The following RHOF variants were observed in gnomAD, a reference collection of about 807,000 sequenced individuals.
RHOF encodes the protein ras homolog family member F, filopodia associated.
Under a neutral mutation model 22.2 loss-of-function variants are expected in RHOF, and 21 were observed. That is an observed-to-expected ratio of 0.95 (90% CI 0.67 to 1.36). The LOEUF (loss-of-function observed/expected upper bound fraction) is 1.36. Ranked by LOEUF, RHOF falls within the 40% of genes most tolerant of loss-of-function variation. RHOF has a pLI of 0.00. For synonymous variants in RHOF, 135 were observed against 131.2 expected (o/e 1.03, Z -0.20); for missense variants, 285 against 293.7 (o/e 0.97, Z 0.22).
At chr12:121,780,847 C>T (rs778748619) in intron 4 of RHOF, 25 bp downstream of exon 4, 2 of 1,605,934 alleles carry the variant, frequency 1.2e-6, no homozygotes, top group African/African-American at 1.3e-5. Flanking sequence ...CACGGCTGTG[C>T]CCCAGGGTCT....
rs1592954177 is a variant in RHOF, at chr12:121,779,321, A to T, written c.*177T>A. 1 of 663,286 alleles carries T rather than the reference A, an allele frequency of 1.5e-6. No individual in the cohort carries two copies. The highest frequency in any genetic ancestry group is 2.5e-6 in the Non-Finnish European group (1 of 396,910). The allele number at this position is 663,286 out of a possible 1,614,324, so 41.1% of individuals were successfully genotyped here. The stretch of plus-strand genomic sequence containing the variant: ...ATGTCCCAGGGGCAGCCTGGAGGGG[A>T]GTTTGTGGTCAGAGCCCCAGCCAGG... On this transcript the variant is annotated 3_prime_UTR_variant, in exon 5 of 5. Coordinates refer to ENST00000267205, the MANE Select transcript of RHOF (RefSeq NM_019034.3).
chr12:121,789,929 G>C (rs76229575), intron 2 of RHOF, among the ~76,000 whole-genome samples: 1 of 152,082 alleles, frequency 6.6e-6, no homozygotes, highest in Non-Finnish European at 1.5e-5. Context: ...TCACTCTCCC[G>C]TCTGTGTCTT....
intron 2 of RHOF, among the ~76,000 whole-genome samples, chr12:121,792,179 G>C (rs2137508296): frequency 6.6e-6 from 1 of 152,320 alleles, no homozygotes; most frequent in East Asian, 1.9e-4. Context: ...CTGGATTTTG[G>C]CTCCATCCTA....
intron 2 of RHOF, chr12:121,782,752 T>C (rs1314280299): frequency 1.3e-5 from 2 of 152,136 alleles, no homozygotes; most frequent in Non-Finnish European, 2.9e-5. Context: ...AAGGGTGAGG[T>C]CACTAGAGAC....
intron 2 of RHOF, chr12:121,781,422 GA>G (rs1163143466): frequency 1.0e-5 from 5 of 502,128 alleles, no homozygotes; most frequent in Non-Finnish European, 1.8e-5. Context: ...AGTGAGCCGT[GA>G]TCATGCCACT....
rs1401672119 is a variant in RHOF at position 121,780,883 on chromosome 12, T to A, written c.460A>T (p.Thr154Ser). ...TGGCCCCGGCCCACCTGCATGTAGG[T>A]GATGGGCTCCAGCTGGGCGGCCCGG... ...KLRAAQLEPITYMQGLSACEQ... is the reference protein window; with the variant it reads ...KLRAAQLEPISYMQGLSACEQ... The change falls in exon 4 of 5, where the codon ACC (threonine) becomes TCC (serine). Residue 154 changes from threonine (T) to serine (S), a missense_variant. Thr to Ser is a moderately conservative substitution (Grantham distance 58). Transcript: ENST00000267205. 5.0e-6 allele frequency: 8 copies of A among 1,613,230 alleles called. No individual in the cohort carries two copies. The highest frequency in any genetic ancestry group is 6.8e-6 in the Non-Finnish European group (8 of 1,179,834).
chr12:121,781,770 T>G (rs1874466758), intron 2 of RHOF: 1 of 154,472 alleles, frequency 6.5e-6, no homozygotes, highest in African/African-American at 2.4e-5. Flanking sequence ...CAGGTTCTGA[T>G]GCAGTCAGCT....
intron 2 of RHOF, among the ~76,000 whole-genome samples, chr12:121,786,019 ATTC>A (rs1874599973): frequency 6.6e-6 from 1 of 151,424 alleles, no homozygotes; most frequent in Non-Finnish European, 1.5e-5. Flanking sequence ...GGTTCACGCC[ATTC>A]TTCTGCTTCA....
At chr12:121,779,766 G>A in intron 4 of RHOF, 104 bp from the exon 5 acceptor site, 1 of 1,261,306 alleles carries the variant, frequency 7.9e-7, no homozygotes, top group Non-Finnish European at 1.1e-6. Context: ...AGGGATGGAG[G>A]CCTTGGTTTG....
chr12:121,783,967 C>T (rs1874543083), intron 2 of RHOF, among the ~76,000 whole-genome samples: 1 of 152,110 alleles, frequency 6.6e-6, no homozygotes, highest in Non-Finnish European at 1.5e-5. Context: ...TCGCCTGCCA[C>T]ACCCGCTTGC....
chr12:121,790,904 C>A (rs5019662), intron 2 of RHOF, among the ~76,000 whole-genome samples: 1 of 152,122 alleles, frequency 6.6e-6, no homozygotes, highest in Non-Finnish European at 1.5e-5. Flanking sequence ...AACAGGGTCT[C>A]GCTCTGTTGC....
intron 2 of RHOF, among the ~76,000 whole-genome samples, chr12:121,788,428 C>G (rs534093259): frequency 6.6e-6 from 1 of 151,848 alleles, no homozygotes; most frequent in Admixed American, 6.6e-5. Flanking sequence ...TGACTCTGCC[C>G]AACCCAGCTT....
intron 1 of RHOF, 81 bp from the exon 2 acceptor site, chr12:121,793,320 T>C: frequency 6.9e-7 from 1 of 1,457,396 alleles, no homozygotes; most frequent in East Asian, 2.5e-5. Context: ...TCCACCCCCC[T>C]CACTCGTCCC....
intron 1 of RHOF, 73 bp from the exon 2 acceptor site, chr12:121,793,312 C>T: frequency 6.9e-7 from 1 of 1,456,924 alleles, no homozygotes; most frequent in East Asian, 2.5e-5. Flanking sequence ...ATCCACTGTC[C>T]ACCCCCCTCA....
chr12:121,780,776 C>T (rs1316736667), intron 4 of RHOF, 96 bp downstream of exon 4: 1 of 1,388,504 alleles, frequency 7.2e-7, no homozygotes, highest in South Asian at 1.4e-5. Context: ...TCCCTCAGCT[C>T]CCTGAAAGGC....
At chr12:121,787,293 G>A (rs1300107697) in intron 2 of RHOF, among the ~76,000 whole-genome samples, 2 of 152,180 alleles carry the variant, frequency 1.3e-5, no homozygotes, top group African/African-American at 2.4e-5. Flanking sequence ...GTTCATTCAA[G>A]CAGCCACCCT....
intron 2 of RHOF, among the ~76,000 whole-genome samples, chr12:121,783,406 C>T (rs1243700343): frequency 6.6e-6 from 1 of 151,312 alleles, no homozygotes; most frequent in Non-Finnish European, 1.5e-5. Flanking sequence ...ACTGCAACCT[C>T]TGCCTGCCGG....
chr12:121,778,130 A>G lies in RHOF; in HGVS notation c.*1368T>C, dbSNP rs1052202. On this transcript the variant is annotated 3_prime_UTR_variant, in exon 5 of 5. Transcript: ENST00000267205. ...AGCCAAGCAGCTTGCGACTTCTGGT[A>G]GGCACCGGAATCCCCTGGGATGCTT... 29,160 of 152,094 alleles carry G rather than the reference A, an allele frequency of 0.19. 4,424 individuals carry two copies. The highest frequency in any genetic ancestry group is 0.41 in the African/African-American group (17,072 of 41,422). 9.4% of individuals were successfully genotyped at this position (152,094 alleles called of 1,614,324 possible). A position where few individuals can be genotyped will look rare whatever the true frequency, so the allele number is the denominator to read the frequency against.
chr12:121,779,663 C>G lies in RHOF; in HGVS notation c.472-1G>C. 6.2e-7 allele frequency: 1 copy of G among 1,613,782 alleles called. No individual in the cohort carries two copies. The highest frequency in any genetic ancestry group is 1.3e-5 in the African/African-American group (1 of 75,070). On this transcript the variant is annotated splice_acceptor_variant, in intron 4 of 4. Transcript: ENST00000267205. LOFTEE classifies it high-confidence loss of function. ...GGATCTGTTCGCAGGCGCTCAGGCC[C>G]TGGGTGGGGGGAGGAGCCAGCATTA...
Sources: gnomAD v4.1 joint callset for allele counts (sites outside exome capture counted in the v4.1 genomes callset) on GRCh38, gnomAD v4.1.1 for gene constraint, MANE v1.5 for transcripts, NCBI Gene and HGNC (gene_info 2026-07-23, HGNC 2026-07-21) for gene names.